Variants in RNLS observed in about 807,000 individuals in gnomAD.
RNLS encodes the protein renalase, FAD dependent amine oxidase, also known as renalase.
RNLS carries 39 observed loss-of-function variants against 39.8 expected under a neutral mutation model. The observed-to-expected ratio is 0.98, with a 90% CI of 0.76 to 1.28. The LOEUF (loss-of-function observed/expected upper bound fraction) is 1.28. Ranked by LOEUF, RNLS falls within the 50% of genes most tolerant of loss-of-function variation. The probability of loss-of-function intolerance (pLI) is 0.00; values close to 1 mark genes in which losing one functional copy is unlikely to be tolerated. For missense variants in RNLS, 410 were observed against 413.3 expected, an observed-to-expected ratio of 0.99 and a Z score of 0.07; for synonymous variants, 147 against 150.7, an observed-to-expected ratio of 0.98 and a Z score of 0.18.
chr10:88,340,709 G>A (rs1448387029), intron 5 of RNLS, among the ~76,000 whole-genome samples: 1 of 152,066 alleles, frequency 6.6e-6, no homozygotes, highest in Non-Finnish European at 1.5e-5. Context: ...TTATTTATAA[G>A]GAATTCTAAC....
intron 4 of RNLS, among the ~76,000 whole-genome samples, chr10:88,557,553 GA>G (rs942300143): frequency 2.0e-5 from 3 of 151,694 alleles, no homozygotes; most frequent in East Asian, 1.9e-4. Flanking sequence ...CATTTGTGAA[GA>G]AAAAAAACAA....
At chr10:88,348,529 T>C (rs528004212) in intron 5 of RNLS, among the ~76,000 whole-genome samples, 1 of 152,298 alleles carries the variant, frequency 6.6e-6, no homozygotes, top group African/African-American at 2.4e-5. Flanking sequence ...ATTTAATGTT[T>C]AAGACTCACG....
chr10:88,343,523 CA>C, intron 5 of RNLS: 6 of 978,678 alleles, frequency 6.1e-6, no homozygotes, highest in Non-Finnish European at 7.3e-6. Flanking sequence ...ATATATTTTC[CA>C]AAAACAACAA....
At chr10:88,185,548 A>G in the RNLS span, among the ~76,000 whole-genome samples, 1 of 152,148 alleles carries the variant, frequency 6.6e-6, no homozygotes, top group Non-Finnish European at 1.5e-5. Flanking sequence ...TCCTCATCAT[A>G]GTCTCTGGTG....
At chr10:88,344,445 T>C (rs1342141199) in intron 5 of RNLS, among the ~76,000 whole-genome samples, 1 of 152,242 alleles carries the variant, frequency 6.6e-6, no homozygotes, top group East Asian at 1.9e-4. Context: ...TCTTTCCTAA[T>C]AAGACAAATG....
At chr10:88,368,330 G>A (rs1850279167) in intron 4 of RNLS, among the ~76,000 whole-genome samples, 1 of 151,980 alleles carries the variant, frequency 6.6e-6, no homozygotes, top group Non-Finnish European at 1.5e-5. Flanking sequence ...TAGATTGTAA[G>A]CAACTTGAGG....
intron 4 of RNLS, among the ~76,000 whole-genome samples, chr10:88,529,038 G>A (rs1246666195): frequency 1.3e-5 from 2 of 152,118 alleles, no homozygotes; most frequent in African/African-American, 4.8e-5. Context: ...CATCTGGAAG[G>A]AACAGAAGGC....
At chr10:88,425,632 G>A (rs1854701552) in intron 4 of RNLS, among the ~76,000 whole-genome samples, 1 of 152,022 alleles carries the variant, frequency 6.6e-6, no homozygotes, top group Non-Finnish European at 1.5e-5. Context: ...CATGATCATT[G>A]CTCTCAAGGA....
chr10:88,576,214 G>T (rs1021307083), intron 3 of RNLS, among the ~76,000 whole-genome samples: 8 of 152,134 alleles, frequency 5.3e-5, no homozygotes, highest in African/African-American at 1.9e-4. Flanking sequence ...TGTATAATTA[G>T]TTTAATGTCT....
chr10:88,547,067 G>C (rs565700483), intron 4 of RNLS, among the ~76,000 whole-genome samples: 13 of 152,322 alleles, frequency 8.5e-5, no homozygotes, highest in African/African-American at 2.6e-4. Flanking sequence ...ATGAAAGGTT[G>C]AACAGGAGCG....
intron 5 of RNLS, among the ~76,000 whole-genome samples, chr10:88,338,905 G>A (rs1847717790): frequency 6.6e-6 from 1 of 152,114 alleles, no homozygotes; most frequent in African/African-American, 2.4e-5. Flanking sequence ...GGGACTACAG[G>A]CGCCCGCCAC....
chr10:88,203,337 C>CACGT, the RNLS span, among the ~76,000 whole-genome samples: 7,185 of 9,624 alleles, frequency 0.75, 3,062 homozygotes, highest in Non-Finnish European at 0.81. Context: ...TATATATATA[C>CACGT]ACGTATGTGT....
rs187091443 is a variant in RNLS at position 88,505,298 on chromosome 10, A to G, written c.526+67605T>C. Among the ~76,000 whole-genome samples the G allele has an allele frequency of 5.1e-4, 77 of 152,138 alleles. 1 individual carries two copies. Among genetic ancestry groups the G allele is most frequent in the Non-Finnish European group, 8.7e-4 (59 of 67,994 alleles). ...AAAAAAAAAGAATCTGGAAGCTTCA[A>G]AAAGAATAACAATGTATTAAATCAT... On this transcript the variant is annotated intron_variant, in intron 4 of 6. Transcript: ENST00000331772.
At chr10:88,500,227 A>T (rs1845398594) in intron 4 of RNLS, among the ~76,000 whole-genome samples, 2 of 152,110 alleles carry the variant, frequency 1.3e-5, no homozygotes, top group Admixed American at 1.3e-4. Context: ...GTCTGAACAG[A>T]AGGTCACTGA....
chr10:88,501,746 A>T lies in RNLS; in HGVS notation c.526+71157T>A, dbSNP rs1845498779. 2.0e-5 allele frequency among the ~76,000 whole-genome samples: 3 copies of T among 152,188 alleles called. No homozygotes were observed. In the South Asian group the frequency reaches 6.2e-4, roughly 32 times the overall value. ...GTACTCATCAGACATCATCTATAAA[A>T]TGAACAATTTTCAGCACTTGCCAAG... On this transcript the variant is annotated intron_variant, in intron 4 of 6. Transcript: ENST00000331772.
At chr10:88,499,144 A>G (rs532289456) in intron 4 of RNLS, among the ~76,000 whole-genome samples, 5 of 152,280 alleles carry the variant, frequency 3.3e-5, no homozygotes, top group Admixed American at 2.6e-4. Context: ...TGTTATGCAC[A>G]TGGAGGAGTC....
At chr10:88,438,716 T>G (rs1360525757) in intron 4 of RNLS, among the ~76,000 whole-genome samples, 1 of 152,184 alleles carries the variant, frequency 6.6e-6, no homozygotes, top group East Asian at 1.9e-4. Context: ...ATACAGGTGA[T>G]AATATTTATT....
chr10:88,376,552 G>T (rs1851014783), intron 4 of RNLS, among the ~76,000 whole-genome samples: 1 of 152,128 alleles, frequency 6.6e-6, no homozygotes, highest in African/African-American at 2.4e-5. Flanking sequence ...AGATAATGTT[G>T]TGGGGAAAGC....
At chr10:88,226,593 C>T in the RNLS span, among the ~76,000 whole-genome samples, 2 of 152,178 alleles carry the variant, frequency 1.3e-5, no homozygotes, top group African/African-American at 4.8e-5. Flanking sequence ...TTTGTTTTTA[C>T]TCTACATATC....
Sources: gnomAD v4.1 joint callset for allele counts (sites outside exome capture counted in the v4.1 genomes callset) on GRCh38, gnomAD v4.1.1 for gene constraint, MANE v1.5 for transcripts, NCBI Gene and HGNC (gene_info 2026-07-23, HGNC 2026-07-21) for gene names.